The following STRN4 variants were observed in gnomAD, a reference collection of about 807,000 sequenced individuals.
STRN4 encodes striatin 4.
A neutral mutation model predicts 77.9 loss-of-function variants in STRN4; 27 were observed. That is an observed-to-expected ratio of 0.35 (90% confidence interval 0.26 to 0.48). The LOEUF is 0.48. Ranked by LOEUF, STRN4 falls within the 20% of genes least tolerant of loss-of-function variation. The pLI is 0.99. For synonymous variants in STRN4, 466 were observed against 443.1 expected, an observed-to-expected ratio of 1.05 and a Z score of -0.65; for missense variants, 798 against 1,049.7, an observed-to-expected ratio of 0.76 and a Z score of 3.31.
rs1011589788 is a variant in STRN4, at chr19:46,738,858, T to G, written c.313A>C (p.Lys105Gln). The G allele has an allele frequency of 6.2e-7, 1 of 1,614,090 alleles. No individual in the cohort carries two copies. The highest frequency in any genetic ancestry group is 1.6e-4 in the Middle Eastern group (1 of 6,062). ...TCCGTCTTTAGATTCTCCTGCCCTT[T>G]CCTCTCTCCCTGAAGGAAGGCCACC... ...AQVAFLQGER[K>Q]GQENLKTDLV... Residue 105 changes from lysine (K) to glutamine (Q), a missense_variant, in exon 2 of 18, where the codon AAA (lysine) becomes CAA (glutamine). Lys to Gln is a moderately conservative substitution (Grantham distance 53). Around this residue, in one of 2 missense-constraint regions of STRN4, gnomAD observed 511 missense variants for 575.9 expected, o/e 0.89. Coordinates refer to ENST00000263280, the MANE Select transcript of STRN4 (RefSeq NM_013403.3). This position sits in a 1 kb window ranked among gnomAD's most constrained non-coding sequence, Gnocchi z 4.5.
In STRN4 at chr19:46,728,913, G is replaced by T. The variant is rs1351014426; in HGVS notation, c.880-136C>A. The T allele has an allele frequency of 2.3e-6, 3 of 1,280,712 alleles. No homozygotes were observed. The East Asian group carries it at 7.5e-5, about 32-fold the overall frequency. The allele number at this position is 1,280,712 out of a possible 1,614,324, so 79.3% of individuals were successfully genotyped here. ...GGGCTGCCTCAGCCGCCAGCCAGCT[G>T]CCCTGGAGCGCCCCCTGCTGGGCCT... On this transcript the variant is annotated intron_variant, in intron 6 of 17. Transcript: ENST00000263280.
intron 16 of STRN4, 34 bp from the exon 17 acceptor site, chr19:46,720,805 C>G (rs369606419): frequency 2.2e-5 from 34 of 1,516,362 alleles, no homozygotes; most frequent in Non-Finnish European, 2.8e-5. Flanking sequence ...GGGGTGGTCA[C>G]TGGGCTCCTC....
At chr19:46,730,927 C>T in intron 5 of STRN4, 54 bp from the exon 6 acceptor site, 1 of 1,595,362 alleles carries the variant, frequency 6.3e-7, no homozygotes. Flanking sequence ...TGTCAAAGCT[C>T]AGATAGGAAG....
chr19:46,722,268 C>T lies in STRN4; in HGVS notation c.1979G>A (p.Gly660Asp). ...PLTITAHDDR[G>D]IRFLDNRTGK... is the part of the protein sequence containing the mutation. ...TGTCCGATTGTCCAGGAAGCGGATG[C>T]CCCTGTCGTCGTGGGCGGTGATGGT... The change falls in exon 15 of 18, where the codon GGC becomes GAC. Residue 660 changes from glycine (G) to aspartate (D), a missense_variant. Gly to Asp is a moderately conservative substitution (Grantham distance 94). Transcript: ENST00000263280. 6.2e-7 allele frequency: 1 copy of T among 1,614,190 alleles called. No individual in the cohort carries two copies. The highest frequency in any genetic ancestry group is 8.5e-7 in the Non-Finnish European group (1 of 1,180,024).
intron 12 of STRN4, among the ~76,000 whole-genome samples, chr19:46,724,535 G>A (rs1185727943): frequency 2.0e-5 from 3 of 152,254 alleles, no homozygotes; most frequent in East Asian, 3.8e-4. Context: ...TCCCAGCCTG[G>A]GCTGCCTCAG....
chr19:46,742,419 C>G (rs993826845), intron 1 of STRN4, among the ~76,000 whole-genome samples: 2 of 152,174 alleles, frequency 1.3e-5, no homozygotes, highest in African/African-American at 4.8e-5. Flanking sequence ...AAATCTGACA[C>G]TGCCTAGCTC....
intron 5 of STRN4, chr19:46,732,418 C>T (rs999533313): frequency 6.5e-6 from 1 of 153,138 alleles, no homozygotes; most frequent in African/African-American, 2.4e-5. Flanking sequence ...GCCTCACTGC[C>T]TGCGGCCATG....
rs753988567 is a variant in STRN4, at chr19:46,722,230, G to A, written c.2005+12C>T. 6.2e-7 allele frequency: 1 copy of A among 1,613,872 alleles called. No homozygotes were observed. Among genetic ancestry groups the A allele is most frequent in the Non-Finnish European group, 8.5e-7 (1 of 1,179,808 alleles). On this transcript the variant is annotated intron_variant, in intron 15 of 17. Coordinates refer to ENST00000263280, the MANE Select transcript of STRN4 (RefSeq NM_013403.3). ...TCCCCACCCACTACGAGCACAAGGG[G>A]CTAGGCCTCACCTGTCCGATTGTCC...
Position 46,727,947 on chromosome 19 carries a change from G to T in STRN4, c.1100C>A (p.Pro367His). 1 of 1,613,752 alleles carries T rather than the reference G, an allele frequency of 6.2e-7. No individual in the cohort carries two copies. Among genetic ancestry groups the T allele is most frequent in the Non-Finnish European group, 8.5e-7 (1 of 1,179,820 alleles). Residue 367 changes from proline (P) to histidine (H), a missense_variant, in exon 8 of 18, where the codon CCC (proline) becomes CAC (histidine). Pro to His is a moderately conservative substitution (Grantham distance 77). Around this residue, in one of 2 missense-constraint regions of STRN4, gnomAD observed 511 missense variants for 575.9 expected, o/e 0.89. Coordinates refer to ENST00000263280, the MANE Select transcript of STRN4 (RefSeq NM_013403.3). ...LADLRDVDGLPPKVTGPPPGT... is the reference protein window; with the variant it reads ...LADLRDVDGLHPKVTGPPPGT... The stretch of plus-strand genomic sequence containing the variant: ...AGGAGGCGGGCCAGTCACTTTTGGG[G>T]GCAGCCCATCCACATCCCGCAGGTC...
intron 11 of STRN4, 83 bp downstream of exon 11, chr19:46,725,238 TCCTGCCGTGGG>T: frequency 6.4e-7 from 1 of 1,562,814 alleles, no homozygotes; most frequent in Non-Finnish European, 8.8e-7. Flanking sequence ...CTGTCCTGCC[TCCTGCCGTGGG>T]CCTCCCGCGA....
rs555853401 is a variant in STRN4 at position 46,720,428 on chromosome 19, C to T, written c.*67-90G>A. ...CCCTCCCCTGCATGCCCAGGGCTCC[C>T]CCAGTGATTCTCACAGGACGCCCCT... is the stretch of plus-strand genomic sequence containing the variant. On this transcript the variant is annotated intron_variant, in intron 17 of 17. Coordinates refer to ENST00000263280, the MANE Select transcript of STRN4 (RefSeq NM_013403.3). 151 of 786,812 alleles carry T rather than the reference C, an allele frequency of 1.9e-4. 1 individual carries two copies. In the African/African-American group the frequency reaches 2.1e-3, roughly 11 times the overall value. 48.7% of individuals were successfully genotyped at this position (786,812 alleles called of 1,614,324 possible).
At chr19:46,724,633 G>A (rs571729491) in intron 12 of STRN4, among the ~76,000 whole-genome samples, 174 bp downstream of exon 12, 29 of 152,234 alleles carry the variant, frequency 1.9e-4, no homozygotes, top group African/African-American at 4.6e-4. Flanking sequence ...CGGCTGGCTC[G>A]TCCCTTGGCC....
In STRN4 at chr19:46,720,518, C is replaced by T. The variant is rs371929132; in HGVS notation, c.*66+18G>A. On this transcript the variant is annotated intron_variant, in intron 17 of 17. Transcript: ENST00000263280. ...CATGGGCGTGCAGAGACTCAGAATG[C>T]GGGGTTTCTGCCCTCACCTCAGCCC... 392 of 1,415,202 alleles carry T rather than the reference C, an allele frequency of 2.8e-4. 1 individual carries two copies. The highest frequency in any genetic ancestry group is 3.5e-4 in the Non-Finnish European group (377 of 1,078,266). 87.7% of individuals were successfully genotyped at this position (1,415,202 alleles called of 1,614,324 possible). A position where few individuals can be genotyped will look rare whatever the true frequency, so the allele number is the denominator to read the frequency against.
At chr19:46,739,579 C>G (rs1410001865) in intron 1 of STRN4, 1 of 153,100 alleles carries the variant, frequency 6.5e-6, no homozygotes, top group Non-Finnish European at 1.5e-5. Context: ...AGACACTGGG[C>G]CCACTGCCTT....
chr19:46,727,490 C>G lies in STRN4; in HGVS notation c.1210G>C (p.Asp404His). The G allele has an allele frequency of 6.2e-7, 1 of 1,614,088 alleles. No individual in the cohort carries two copies. Among genetic ancestry groups the G allele is most frequent in the Non-Finnish European group, 8.5e-7 (1 of 1,179,984 alleles). Reference protein sequence around the residue: ...GGEVSLGDLADLTVTNDNDLS... With the variant: ...GGEVSLGDLAHLTVTNDNDLS... ...TCGTTGTCGTTGGTGACGGTGAGAT[C>G]TGCCAAGTCCCCCAGGCTCACCTCC... The change falls in exon 9 of 18, where the codon GAT (aspartate) becomes CAT (histidine). Residue 404 changes from aspartate (D) to histidine (H), a missense_variant. Around this residue, in one of 2 missense-constraint regions of STRN4, gnomAD observed 511 missense variants for 575.9 expected, o/e 0.89. Coordinates refer to ENST00000263280, the MANE Select transcript of STRN4 (RefSeq NM_013403.3).
Position 46,724,241 on chromosome 19 carries a change from CTT to C in STRN4, c.1594+564_1594+565del, listed in dbSNP as rs541119585. On this transcript the variant is annotated intron_variant, in intron 12 of 17. Transcript: ENST00000263280. Reference sequence around the variant, plus strand: ...CCAGCCTGGGTGACAGAGTGAGACTCTTTGTCTCAAAAAAAAAAAAAAAAAAA... The same window carrying C: ...CCAGCCTGGGTGACAGAGTGAGACTCTGTCTCAAAAAAAAAAAAAAAAAAA... 7.5e-3 allele frequency among the ~76,000 whole-genome samples: 575 copies of C among 76,596 alleles called. 5 individuals are homozygous for C. The highest frequency in any genetic ancestry group is 0.039 in the African/African-American group (552 of 14,328). The allele number at this position is 76,596 out of a possible 152,430, so 50.2% of individuals were successfully genotyped here.
chr19:46,727,452 A>G lies in STRN4; in HGVS notation c.1248T>C (p.Asp416=). 1.9e-6 allele frequency: 3 copies of G among 1,613,372 alleles called. No homozygotes were observed. The highest frequency in any genetic ancestry group is 2.5e-6 in the Non-Finnish European group (3 of 1,179,502). ...TVTNDNDLSC[D]LSDSKDAFKK... is the part of the protein sequence containing the mutation. ...TGTGGGGGGCACCCGGAGAACTTACATCGCAGCTGAGGTCGTTGTCGTTGG... is the reference window on the plus strand; with the variant it reads ...TGTGGGGGGCACCCGGAGAACTTACGTCGCAGCTGAGGTCGTTGTCGTTGG... Residue 416 remains aspartate (D), a splice_region_variant and synonymous_variant, in exon 9 of 18, where the codon GAT becomes GAC. Transcript: ENST00000263280.
At chr19:46,742,162 C>T (rs556477829) in intron 1 of STRN4, among the ~76,000 whole-genome samples, 4 of 152,296 alleles carry the variant, frequency 2.6e-5, no homozygotes, top group South Asian at 4.1e-4. Context: ...CTGGAAGTTT[C>T]GGATGGGCAG....
At chr19:46,745,962 C>G in intron 1 of STRN4, 187 bp downstream of exon 1, 3 of 658,264 alleles carry the variant, frequency 4.6e-6, no homozygotes, top group Non-Finnish European at 6.6e-6. Flanking sequence ...CGTCCCACCC[C>G]GGAGTGCCCT....
Sources: gnomAD v4.1 joint callset for allele counts (sites outside exome capture counted in the v4.1 genomes callset) on GRCh38, gnomAD v4.1.1 for gene constraint, gnomAD v4.1.1 regional missense constraint, Gnocchi (gnomAD v3.1) non-coding constraint, MANE v1.5 for transcripts, NCBI Gene and HGNC (gene_info 2026-07-23, HGNC 2026-07-21) for gene names.